Variants in MID1 observed in about 807,000 individuals in gnomAD.
The protein encoded by MID1 is midline 1.
Under a neutral mutation model 40.4 loss-of-function variants are expected in MID1, and 7 were observed. The observed-to-expected ratio is 0.17, with a 90% confidence interval of 0.10 to 0.33. MID1 has a LOEUF of 0.33. Ranked by LOEUF, MID1 falls within the 10% of genes least tolerant of loss-of-function variation. MID1 has a pLI of 1.00. For synonymous variants in MID1, 229 were observed against 221.2 expected (o/e 1.04, Z -0.31); for missense variants, 367 against 558.5 (o/e 0.66, Z 3.46).
intron 1 of MID1, among the ~76,000 whole-genome samples, chrX:10,686,026 T>C (rs922956551): frequency 9.0e-6 from 1 of 111,495 alleles, no homozygotes; most frequent in African/African-American, 3.3e-5. Flanking sequence ...AGAAGGTTTG[T>C]GTTTAACAAG....
At chrX:10,827,782 A>T (rs749353523) in intron 1 of MID1, among the ~76,000 whole-genome samples, 1 of 111,227 alleles carries the variant, frequency 9.0e-6, no homozygotes, top group South Asian at 3.9e-4. Flanking sequence ...CTCTTTATTT[A>T]AAAATGCTGC....
At chrX:10,729,545 T>C (rs756294586) in intron 1 of MID1, among the ~76,000 whole-genome samples, 1 of 112,125 alleles carries the variant, frequency 8.9e-6, no homozygotes, top group South Asian at 3.7e-4. Context: ...GCTATAATAA[T>C]GAAGCCTCAT....
chrX:10,623,292 AAG>A (rs200998221), upstream of MID1, among the ~76,000 whole-genome samples: 922 of 100,011 alleles, frequency 9.2e-3, 19 homozygotes, highest in African/African-American at 0.035. Flanking sequence ...AAAGAAAAGA[AAG>A]AGAGAAAGAA....
intron 4 of MID1, among the ~76,000 whole-genome samples, chrX:10,488,800 C>T (rs957906174): frequency 1.4e-4 from 16 of 111,268 alleles, no homozygotes; most frequent in Non-Finnish European, 2.6e-4. Context: ...GCAAGACTGG[C>T]TTAGCCTCCC....
chrX:10,471,657 G>A (rs1402277521), intron 6 of MID1, among the ~76,000 whole-genome samples: 2 of 112,001 alleles, frequency 1.8e-5, no homozygotes, highest in Non-Finnish European at 3.8e-5. Context: ...CAGCTGCATC[G>A]TAAAATGTGC....
At chrX:10,532,483 G>A (rs1179303962) in intron 2 of MID1, among the ~76,000 whole-genome samples, 1 of 111,503 alleles carries the variant, frequency 9.0e-6, no homozygotes, top group Non-Finnish European at 1.9e-5. Flanking sequence ...ACTTCAGTGA[G>A]TTATGATTGC....
At chrX:10,798,187 C>T in intron 1 of MID1, among the ~76,000 whole-genome samples, 1 of 112,254 alleles carries the variant, frequency 8.9e-6, no homozygotes, top group Middle Eastern at 4.6e-3. Flanking sequence ...CAAAGCTCCA[C>T]TCCCCAAAAT....
chrX:10,710,243 G>A (rs1336493565), intron 1 of MID1, among the ~76,000 whole-genome samples: 1 of 111,331 alleles, frequency 9.0e-6, no homozygotes, highest in East Asian at 2.8e-4. Flanking sequence ...GGTTTAGGTA[G>A]CTACTGGAGC....
chrX:10,499,110 C>T (rs959206005), intron 3 of MID1, among the ~76,000 whole-genome samples: 52 of 111,796 alleles, frequency 4.7e-4, no homozygotes, highest in African/African-American at 1.6e-3. Context: ...TGCTTGTTAT[C>T]GTATGTCTTT....
intron 1 of MID1, among the ~76,000 whole-genome samples, chrX:10,784,792 G>C (rs192551821): frequency 9.9e-5 from 11 of 110,808 alleles, no homozygotes; most frequent in Non-Finnish European, 1.9e-4. Flanking sequence ...TAGTGCCATT[G>C]TGAAAAACAC....
chrX:10,736,443 G>T (rs1209186575), intron 1 of MID1, among the ~76,000 whole-genome samples: 1 of 111,765 alleles, frequency 8.9e-6, no homozygotes, highest in African/African-American at 3.3e-5. Context: ...ATATTTTTTT[G>T]TTGTTGTTCA....
chrX:10,705,406 C>T (rs2043223710), intron 1 of MID1, among the ~76,000 whole-genome samples: 1 of 111,828 alleles, frequency 8.9e-6, no homozygotes, highest in Non-Finnish European at 1.9e-5. Context: ...CTCTAAAAGG[C>T]TACATCATCT....
intron 1 of MID1, among the ~76,000 whole-genome samples, chrX:10,823,806 G>C (rs2147161119): frequency 9.0e-6 from 1 of 111,395 alleles, no homozygotes; most frequent in East Asian, 2.8e-4. Flanking sequence ...CCATGAAATG[G>C]TCTTGGAAGC....
At chrX:10,569,902 C>T (rs2036122216) in intron 1 of MID1, among the ~76,000 whole-genome samples, 1 of 111,816 alleles carries the variant, frequency 8.9e-6, no homozygotes, top group Non-Finnish European at 1.9e-5. Flanking sequence ...ATGGGCCAAG[C>T]CAGCATCATC....
intron 1 of MID1, among the ~76,000 whole-genome samples, chrX:10,590,413 G>A (rs1440262933): frequency 1.8e-5 from 2 of 111,489 alleles, no homozygotes; most frequent in African/African-American, 6.5e-5. Context: ...TCTGGGTGGT[G>A]GGTGCCCTGT....
At position 10,657,797 on chromosome X, in the gene MID1, T is replaced by A. The variant is rs778295924; in HGVS notation, c.-186-37378A>T. Reference sequence around the variant, plus strand: ...GATAACCAGCGGGACTTCCAATAGCTATGTTCAAATATTTATGAAACATTG... The same window carrying A: ...GATAACCAGCGGGACTTCCAATAGCAATGTTCAAATATTTATGAAACATTG... On this transcript the variant is annotated intron_variant, in intron 1 of 10. Coordinates refer to the MID1 transcript ENST00000380785. Among the ~76,000 whole-genome samples, 5 of 112,544 alleles carry A rather than the reference T, an allele frequency of 4.4e-5. No individual in the cohort carries two copies. In the South Asian group the frequency reaches 1.8e-3, roughly 42 times the overall value.
chrX:10,781,107 A>G (rs2043842694), intron 1 of MID1, among the ~76,000 whole-genome samples: 1 of 111,995 alleles, frequency 8.9e-6, no homozygotes, highest in South Asian at 3.7e-4. Context: ...AAATAAGTGA[A>G]GGGGAAAAAG....
intron 5 of MID1, among the ~76,000 whole-genome samples, chrX:10,481,016 C>T (rs1446447823): frequency 9.0e-6 from 1 of 111,703 alleles, no homozygotes; most frequent in African/African-American, 3.3e-5. Flanking sequence ...CATAAGATGG[C>T]GAGTATTTTT....
chrX:10,795,320 T>A (rs187272993), intron 1 of MID1, among the ~76,000 whole-genome samples: 1 of 112,889 alleles, frequency 8.9e-6, no homozygotes, highest in African/African-American at 3.2e-5. Context: ...ACGTTTTATT[T>A]CTTGGACACT....
Sources: gnomAD v4.1 joint callset for allele counts (sites outside exome capture counted in the v4.1 genomes callset) on GRCh38, gnomAD v4.1.1 for gene constraint, MANE v1.5 for transcripts, NCBI Gene and HGNC (gene_info 2026-07-23, HGNC 2026-07-21) for gene names.